The following CHRM2 variants were observed in gnomAD, a reference collection of about 807,000 sequenced individuals.
The protein encoded by CHRM2 is cholinergic receptor muscarinic 2.
Under a neutral mutation model 25.0 loss-of-function variants are expected in CHRM2, and 8 were observed. The ratio of observed to expected loss-of-function variants is 0.32; its 90% CI spans 0.19 to 0.58. The LOEUF (loss-of-function observed/expected upper bound fraction) is 0.58. Ranked by LOEUF, CHRM2 falls within the 20% of genes least tolerant of loss-of-function variation. CHRM2 has a pLI of 0.88. For synonymous variants in CHRM2, 202 were observed against 205.7 expected (o/e 0.98, Z 0.15); for missense variants, 440 against 567.1 (o/e 0.78, Z 2.28).
At chr7:136,975,377 T>G (rs1032161668) in intron 2 of CHRM2, among the ~76,000 whole-genome samples, 1 of 152,138 alleles carries the variant, frequency 6.6e-6, no homozygotes, top group Non-Finnish European at 1.5e-5. Context: ...TAAAGTTATA[T>G]TTCTAATTGG....
At chr7:136,878,482 C>T (rs112130039) in intron 2 of CHRM2, among the ~76,000 whole-genome samples, 2 of 151,822 alleles carry the variant, frequency 1.3e-5, no homozygotes, top group Non-Finnish European at 1.5e-5. Context: ...CTCAGTTTTG[C>T]TTTATTTTAA....
At chr7:137,008,106 G>T (rs1804569563) in intron 3 of CHRM2, among the ~76,000 whole-genome samples, 1 of 151,980 alleles carries the variant, frequency 6.6e-6, no homozygotes, top group Non-Finnish European at 1.5e-5. Context: ...TCATTCATTG[G>T]ATTATTATAC....
intron 2 of CHRM2, among the ~76,000 whole-genome samples, chr7:136,991,439 C>T (rs1013470058): frequency 6.6e-6 from 1 of 152,006 alleles, no homozygotes; most frequent in Admixed American, 6.6e-5. Flanking sequence ...AATGAGTTGA[C>T]TATATTCATG....
chr7:136,903,032 A>ATT (rs1797318852), intron 2 of CHRM2: 2 of 497,360 alleles, frequency 4.0e-6, no homozygotes, highest in African/African-American at 4.0e-5. Context: ...ACTTTAAACA[A>ATT]TAGGCCAGAG....
At chr7:136,876,286 T>C (rs1796049465) in intron 2 of CHRM2, among the ~76,000 whole-genome samples, 1 of 152,138 alleles carries the variant, frequency 6.6e-6, no homozygotes, top group Non-Finnish European at 1.5e-5. Context: ...TGGTTTTATC[T>C]GGTGCTGGTA....
At chr7:136,897,750 T>G (rs1308821569) in intron 2 of CHRM2, among the ~76,000 whole-genome samples, 1 of 152,132 alleles carries the variant, frequency 6.6e-6, no homozygotes, top group African/African-American at 2.4e-5. Flanking sequence ...AGAGCTCATA[T>G]TTGCATGTCT....
intron 2 of CHRM2, among the ~76,000 whole-genome samples, chr7:136,930,601 A>T (rs942622304): frequency 6.6e-6 from 1 of 151,992 alleles, no homozygotes; most frequent in Non-Finnish European, 1.5e-5. Flanking sequence ...AGGAAAAAAA[A>T]AAATGGATAG....
intron 2 of CHRM2, among the ~76,000 whole-genome samples, chr7:136,977,273 A>G (rs193144623): frequency 2.6e-5 from 4 of 152,280 alleles, no homozygotes; most frequent in Non-Finnish European, 5.9e-5. Flanking sequence ...TGTGGGACAG[A>G]TTTCTAATGG....
intron 2 of CHRM2, among the ~76,000 whole-genome samples, chr7:136,961,474 A>G (rs1801079200): frequency 6.6e-6 from 1 of 152,240 alleles, no homozygotes; most frequent in South Asian, 2.1e-4. Context: ...TAAATGAGGC[A>G]TACTCAACCA....
intron 3 of CHRM2, among the ~76,000 whole-genome samples, chr7:136,992,562 C>T (rs1337812361): frequency 1.3e-5 from 2 of 152,104 alleles, no homozygotes; most frequent in African/African-American, 4.8e-5. Flanking sequence ...ACCGTAAGCA[C>T]GTGACTTAAT....
chr7:136,969,912 C>T (rs324592), intron 2 of CHRM2, among the ~76,000 whole-genome samples: 129,311 of 152,194 alleles, frequency 0.85, 55,850 homozygotes, highest in Middle Eastern at 0.97. Flanking sequence ...TCTCACAGTC[C>T]GGTAGCTGGG....
chr7:137,013,945 T>C (rs1317680234), intron 3 of CHRM2, among the ~76,000 whole-genome samples: 1 of 152,010 alleles, frequency 6.6e-6, no homozygotes, highest in African/African-American at 2.4e-5. Context: ...AACAAAAAGT[T>C]TGGCAGAAAG....
At chr7:136,952,732 C>G (rs1240108181) in intron 2 of CHRM2, among the ~76,000 whole-genome samples, 2 of 152,094 alleles carry the variant, frequency 1.3e-5, no homozygotes, top group Non-Finnish European at 2.9e-5. Flanking sequence ...GACCCAGAAC[C>G]CTCCAATAGG....
chr7:136,971,812 G>A (rs1472027989), intron 2 of CHRM2, among the ~76,000 whole-genome samples: 2 of 95,980 alleles, frequency 2.1e-5, no homozygotes, highest in African/African-American at 3.0e-5. Flanking sequence ...AGAACTAAAA[G>A]ACAAATTTAA....
intron 3 of CHRM2, among the ~76,000 whole-genome samples, chr7:137,001,291 T>C (rs1307694169): frequency 6.6e-6 from 1 of 152,192 alleles, no homozygotes; most frequent in African/African-American, 2.4e-5. Flanking sequence ...CACAGTCATT[T>C]GTTATTTTAA....
chr7:136,958,405 T>C (rs1800852653), intron 2 of CHRM2, among the ~76,000 whole-genome samples: 2 of 152,074 alleles, frequency 1.3e-5, no homozygotes, highest in Non-Finnish European at 2.9e-5. Flanking sequence ...CTTACATCTA[T>C]TGTAATTCTT....
At chr7:137,001,840 C>T (rs2131068569) in intron 3 of CHRM2, among the ~76,000 whole-genome samples, 2 of 152,206 alleles carry the variant, frequency 1.3e-5, no homozygotes, top group African/African-American at 4.8e-5. Flanking sequence ...GTATCATAAA[C>T]AAAGTTAATT....
At chr7:136,987,750 C>A (rs1472565241) in intron 2 of CHRM2, among the ~76,000 whole-genome samples, 2 of 152,116 alleles carry the variant, frequency 1.3e-5, no homozygotes, top group Non-Finnish European at 2.9e-5. Flanking sequence ...ATGTGCATCC[C>A]TCCTTATTCA....
At chr7:136,981,297 A>G (rs1362332881) in intron 2 of CHRM2, among the ~76,000 whole-genome samples, 2 of 152,140 alleles carry the variant, frequency 1.3e-5, no homozygotes, top group African/African-American at 4.8e-5. Flanking sequence ...TATCACATTT[A>G]TCATTTTTCA....
Sources: gnomAD v4.1 joint callset for allele counts (sites outside exome capture counted in the v4.1 genomes callset) on GRCh38, gnomAD v4.1.1 for gene constraint, MANE v1.5 for transcripts, NCBI Gene and HGNC (gene_info 2026-07-23, HGNC 2026-07-21) for gene names.